The following NELL1 variants were observed in gnomAD, a reference collection of about 807,000 sequenced individuals.
The protein encoded by NELL1 is protein kinase C-binding protein NELL1.
A neutral mutation model predicts 107.4 loss-of-function variants in NELL1; 76 were observed. That is an observed-to-expected ratio of 0.71 (90% CI 0.59 to 0.86). The LOEUF is 0.86. Among genes scored for constraint, NELL1 ranks in the 40% least tolerant of loss-of-function variants. The pLI is 0.00. For synonymous variants in NELL1, 353 were observed against 341.2 expected (o/e 1.03, Z -0.38); for missense variants, 1,024 against 1,005.5 (o/e 1.02, Z -0.25).
At chr11:20,703,867 G>C (rs1189854668) in intron 2 of NELL1, among the ~76,000 whole-genome samples, 1 of 152,218 alleles carries the variant, frequency 6.6e-6, no homozygotes, top group Non-Finnish European at 1.5e-5. Flanking sequence ...TGGTCTGAGA[G>C]ACAGTGTGTT....
At chr11:21,157,173 G>A (rs914764025) in intron 13 of NELL1, among the ~76,000 whole-genome samples, 3 of 151,774 alleles carry the variant, frequency 2.0e-5, no homozygotes, top group Non-Finnish European at 2.9e-5. Flanking sequence ...GTGTGTGTGT[G>A]TGTGTGTGTG....
chr11:20,744,822 T>C (rs781038100), intron 2 of NELL1, among the ~76,000 whole-genome samples: 27 of 152,348 alleles, frequency 1.8e-4, no homozygotes, highest in Non-Finnish European at 2.9e-4. Flanking sequence ...GGAATATATT[T>C]GCTGAATGAC....
chr11:21,217,744 G>A (rs553993279), intron 13 of NELL1, among the ~76,000 whole-genome samples: 2 of 152,102 alleles, frequency 1.3e-5, no homozygotes, highest in Non-Finnish European at 2.9e-5. Context: ...ATATGTAAAA[G>A]GTTACTTTGA....
intron 15 of NELL1, among the ~76,000 whole-genome samples, chr11:21,452,604 G>T (rs1456167730): frequency 6.6e-6 from 1 of 151,788 alleles, no homozygotes; most frequent in Non-Finnish European, 1.5e-5. Context: ...ACATTTTCAA[G>T]GGAGCAGATT....
chr11:21,221,987 T>G (rs1386441004), intron 13 of NELL1, among the ~76,000 whole-genome samples: 1 of 151,906 alleles, frequency 6.6e-6, no homozygotes, highest in African/African-American at 2.4e-5. Context: ...AACCACTGTA[T>G]CCGGCCTAGT....
At chr11:21,129,317 C>A (rs895985874) in intron 13 of NELL1, among the ~76,000 whole-genome samples, 3 of 151,736 alleles carry the variant, frequency 2.0e-5, no homozygotes, top group Non-Finnish European at 2.9e-5. Flanking sequence ...CATGGTGTAG[C>A]CACCATGGAA....
chr11:20,936,529 A>G (rs1377512553), intron 9 of NELL1, among the ~76,000 whole-genome samples: 3 of 152,176 alleles, frequency 2.0e-5, no homozygotes. Context: ...TCACCTGGTC[A>G]TCCTCTTTGC....
rs58260167 is a variant in NELL1, at chr11:20,886,338, A to G, written c.603+798A>G. Among the ~76,000 whole-genome samples, 159 of 152,276 alleles carry G rather than the reference A, an allele frequency of 1.0e-3. 2 individuals are homozygous for G. Among genetic ancestry groups the G allele is most frequent in the African/African-American group, 3.7e-3 (155 of 41,548 alleles). On this transcript the variant is annotated intron_variant, in intron 5 of 19. Coordinates refer to ENST00000357134, the MANE Select transcript of NELL1 (RefSeq NM_006157.5). ...ATAAATTTAAAAACTTAAAAATACC[A>G]TGAAATTTTAAGACAGTCTTGTTCT...
intron 13 of NELL1, among the ~76,000 whole-genome samples, chr11:21,129,132 C>G (rs900153430): frequency 6.6e-6 from 1 of 152,100 alleles, no homozygotes; most frequent in African/African-American, 2.4e-5. Flanking sequence ...ATCTTGTTTT[C>G]TTTACCGTTT....
At chr11:21,079,967 T>C (rs552111297) in intron 12 of NELL1, among the ~76,000 whole-genome samples, 4 of 152,122 alleles carry the variant, frequency 2.6e-5, no homozygotes, top group African/African-American at 9.6e-5. Flanking sequence ...AGAGGATTGG[T>C]AGAGAAAATG....
chr11:20,970,535 C>T (rs1196841724), intron 12 of NELL1, among the ~76,000 whole-genome samples: 1 of 152,138 alleles, frequency 6.6e-6, no homozygotes, highest in African/African-American at 2.4e-5. Flanking sequence ...ATGGTGAGAG[C>T]AATACATTCT....
chr11:20,810,879 G>A (rs1857488762), intron 3 of NELL1, among the ~76,000 whole-genome samples: 1 of 151,552 alleles, frequency 6.6e-6, no homozygotes, highest in African/African-American at 2.4e-5. Context: ...AGTTTTTGTA[G>A]TTTCTTATAT....
intron 12 of NELL1, among the ~76,000 whole-genome samples, chr11:21,014,112 C>T (rs917818870): frequency 2.0e-5 from 3 of 152,070 alleles, no homozygotes; most frequent in African/African-American, 7.2e-5. Context: ...TCAGTTGACT[C>T]TTCTGACAGG....
intron 16 of NELL1, among the ~76,000 whole-genome samples, chr11:21,544,715 G>A (rs139058813): frequency 1.9e-3 from 284 of 151,926 alleles, no homozygotes; most frequent in Non-Finnish European, 2.8e-3. Flanking sequence ...TGTTCTAAAT[G>A]TATTTGGTCA....
At chr11:20,723,630 A>G (rs1284658926) in intron 2 of NELL1, among the ~76,000 whole-genome samples, 5 of 152,186 alleles carry the variant, frequency 3.3e-5, no homozygotes, top group African/African-American at 9.6e-5. Context: ...GGCTTTTCCA[A>G]GCACACAGTG....
chr11:20,769,425 A>T (rs1856597996), intron 2 of NELL1: 1 of 152,256 alleles, frequency 6.6e-6, no homozygotes, highest in Admixed American at 6.5e-5. Flanking sequence ...CCGTCTGGCC[A>T]TTAACTTTGG....
At chr11:20,770,126 A>G (rs1856611760) in intron 2 of NELL1, among the ~76,000 whole-genome samples, 1 of 152,166 alleles carries the variant, frequency 6.6e-6, no homozygotes, top group African/African-American at 2.4e-5. Context: ...CATTTCTTTT[A>G]AAAAAGCTTC....
chr11:20,974,168 G>T (rs114400258), intron 12 of NELL1, among the ~76,000 whole-genome samples: 41 of 152,298 alleles, frequency 2.7e-4, no homozygotes, highest in African/African-American at 9.4e-4. Flanking sequence ...GAACAGAGTG[G>T]GTGCTCAGTA....
chr11:20,717,922 A>G (rs1416313426), intron 2 of NELL1, among the ~76,000 whole-genome samples: 1 of 152,188 alleles, frequency 6.6e-6, no homozygotes, highest in Non-Finnish European at 1.5e-5. Flanking sequence ...CTGTCACAAT[A>G]TTAACTTGTA....
Sources: gnomAD v4.1 joint callset for allele counts (sites outside exome capture counted in the v4.1 genomes callset) on GRCh38, gnomAD v4.1.1 for gene constraint, MANE v1.5 for transcripts, NCBI Gene and HGNC (gene_info 2026-07-23, HGNC 2026-07-21) for gene names.